The following HIP1 variants were observed in gnomAD, a reference collection of about 807,000 sequenced individuals.
HIP1 encodes the protein huntingtin-interacting protein 1.
Under a neutral mutation model 147.6 loss-of-function variants are expected in HIP1, and 65 were observed. The observed-to-expected ratio is 0.44, with a 90% CI of 0.36 to 0.54. HIP1 has a LOEUF of 0.54. Ranked by LOEUF, HIP1 falls within the 20% of genes least tolerant of loss-of-function variation. HIP1 has a pLI of 0.00. For missense variants in HIP1, 1,061 were observed against 1,299.6 expected, an observed-to-expected ratio of 0.82 and a Z score of 2.82; for synonymous variants, 479 against 504.0, an observed-to-expected ratio of 0.95 and a Z score of 0.67.
chr7:75,540,834 C>G (rs1794278929), intron 29 of HIP1, among the ~76,000 whole-genome samples: 1 of 152,030 alleles, frequency 6.6e-6, no homozygotes, highest in Non-Finnish European at 1.5e-5. Context: ...TCTTTTAAAA[C>G]TAAAAGTCAT....
At chr7:75,667,298 T>C (rs781937668) in intron 1 of HIP1, among the ~76,000 whole-genome samples, 2 of 152,066 alleles carry the variant, frequency 1.3e-5, no homozygotes, top group Non-Finnish European at 2.9e-5. Context: ...GGAAAGAACA[T>C]GAGATTTAGA....
rs1794003475 is a variant in HIP1 at position 75,534,340 on chromosome 7, A to C, written c.*3832T>G. 4.6e-6 allele frequency: 1 copy of C among 218,570 alleles called. No individual in the cohort carries two copies. The highest frequency in any genetic ancestry group is 6.7e-5 in the East Asian group (1 of 14,926). 13.5% of individuals were successfully genotyped at this position (218,570 alleles called of 1,614,324 possible). On this transcript the variant is annotated 3_prime_UTR_variant, in exon 31 of 31. Coordinates refer to ENST00000336926, the MANE Select transcript of HIP1 (RefSeq NM_005338.7). ...GGGTACTGCTATGGACGGCTGCATC[A>C]GCAGACAATCTAAACTAGTCTCATT... is the stretch of plus-strand genomic sequence containing the variant.
intron 1 of HIP1, among the ~76,000 whole-genome samples, chr7:75,706,193 G>C (rs1554519707): frequency 6.6e-6 from 1 of 152,004 alleles, no homozygotes; most frequent in African/African-American, 2.4e-5. Context: ...CCATGCCCGG[G>C]TTACTTTTAA....
At chr7:75,678,993 C>A (rs1400726009) in intron 1 of HIP1, among the ~76,000 whole-genome samples, 1 of 152,156 alleles carries the variant, frequency 6.6e-6, no homozygotes, top group Non-Finnish European at 1.5e-5. Context: ...CTAGGCCAGG[C>A]CTATCAACCT....
intron 7 of HIP1, among the ~76,000 whole-genome samples, chr7:75,580,078 G>A (rs897400775): frequency 2.6e-4 from 40 of 152,336 alleles, no homozygotes; most frequent in African/African-American, 8.9e-4. Flanking sequence ...TGGCAGGCAG[G>A]AGCCTGGAAG....
At chr7:75,566,848 A>T (rs587671378) in intron 9 of HIP1, among the ~76,000 whole-genome samples, 1 of 151,390 alleles carries the variant, frequency 6.6e-6, no homozygotes, top group African/African-American at 2.5e-5. Flanking sequence ...GGGGCTGGGC[A>T]CAGTGACTCG....
intron 1 of HIP1, among the ~76,000 whole-genome samples, chr7:75,675,845 G>A (rs1384348038): frequency 6.6e-6 from 1 of 152,214 alleles, no homozygotes; most frequent in East Asian, 1.9e-4. Context: ...GCCAGGCATG[G>A]TGGTGTGTGC....
chr7:75,734,715 TG>T (rs1801961301), intron 1 of HIP1, among the ~76,000 whole-genome samples: 1 of 152,132 alleles, frequency 6.6e-6, no homozygotes, highest in Admixed American at 6.6e-5. Context: ...TTTGCCTCTC[TG>T]TCTACCCCAG....
chr7:75,674,310 T>C (rs1799818568), intron 1 of HIP1, among the ~76,000 whole-genome samples: 1 of 152,182 alleles, frequency 6.6e-6, no homozygotes, highest in African/African-American at 2.4e-5. Context: ...AGTCATTCAC[T>C]ATTAAGTATG....
intron 1 of HIP1, among the ~76,000 whole-genome samples, chr7:75,710,251 G>C (rs1801131758): frequency 6.6e-6 from 1 of 152,010 alleles, no homozygotes; most frequent in Non-Finnish European, 1.5e-5. Context: ...TGCTTTTTCT[G>C]CATTAATTGA....
rs1554500978 is a variant in HIP1 at position 75,592,384 on chromosome 7, A to T, written c.315T>A (p.Asp105Glu). 1 of 1,606,796 alleles carries T rather than the reference A, an allele frequency of 6.2e-7. No individual in the cohort carries two copies. Residue 105 changes from aspartate to glutamate, a missense_variant, in exon 3 of 31, where the codon GAT becomes GAA. Coordinates refer to ENST00000336926, the MANE Select transcript of HIP1 (RefSeq NM_005338.7). The part of the protein sequence containing the change: ...FCHVFHKLLR[D>E]GHPNVLKDSL... ...CCCAGGAACTCACGTTCGGGTGTCC[A>T]TCTCGGAGGAGTTTGTGGAACACAT...
At chr7:75,611,078 G>A (rs1261002466) in intron 1 of HIP1, among the ~76,000 whole-genome samples, 3 of 93,728 alleles carry the variant, frequency 3.2e-5, no homozygotes, top group African/African-American at 8.8e-5. Flanking sequence ...GCTAATTTTT[G>A]TATTTTGTAT....
In HIP1 at chr7:75,650,453, C is replaced by CTTTTTT. The variant is rs782108312; in HGVS notation, c.121-51212_121-51207dup. Among the ~76,000 whole-genome samples, 71 of 126,522 alleles carry CTTTTTT rather than the reference C, an allele frequency of 5.6e-4. 3 individuals are homozygous for CTTTTTT. Among genetic ancestry groups the CTTTTTT allele is most frequent in the East Asian group, 2.1e-3 (9 of 4,246 alleles). 83.0% of individuals were successfully genotyped at this position (126,522 alleles called of 152,430 possible). A position where few individuals can be genotyped will look rare whatever the true frequency, so the allele number is the denominator to read the frequency against. On this transcript the variant is annotated intron_variant, in intron 1 of 30. Coordinates refer to ENST00000336926, the MANE Select transcript of HIP1 (RefSeq NM_005338.7). Reference sequence around the variant, plus strand: ...CAGGGATGTGTCTCTGCCCAGTTATCTTTTTTTTTTTTTTTTTGAGACAGA... The same window carrying CTTTTTT: ...CAGGGATGTGTCTCTGCCCAGTTATCTTTTTTTTTTTTTTTTTTTTTTTGAGACAGA...
chr7:75,563,336 T>G, intron 9 of HIP1, 73 bp from the exon 10 acceptor site: 1 of 1,383,530 alleles, frequency 7.2e-7, no homozygotes, highest in Non-Finnish European at 1.0e-6. Context: ...AGCAGCCACC[T>G]GGCTTTCCTG....
chr7:75,637,188 C>T (rs1175232045), intron 1 of HIP1, among the ~76,000 whole-genome samples: 2 of 152,130 alleles, frequency 1.3e-5, no homozygotes, highest in African/African-American at 2.4e-5. Context: ...GGGAGGGAGG[C>T]CTTCGATGAT....
At chr7:75,559,634 C>T in intron 14 of HIP1, 98 bp downstream of exon 14, 1 of 968,540 alleles carries the variant, frequency 1.0e-6, no homozygotes. Context: ...CAGTCTGGGT[C>T]TCCCCCACCC....
chr7:75,575,745 C>T (rs1795823675), intron 7 of HIP1, among the ~76,000 whole-genome samples: 1 of 152,098 alleles, frequency 6.6e-6, no homozygotes, highest in South Asian at 2.1e-4. Context: ...GATTTTCTTT[C>T]TTGCACTGGC....
chr7:75,668,418 A>G (rs1480443068), intron 1 of HIP1, among the ~76,000 whole-genome samples: 2 of 152,118 alleles, frequency 1.3e-5, no homozygotes, highest in Non-Finnish European at 2.9e-5. Context: ...TCTGCCTCCC[A>G]GGTTCAAGTG....
chr7:75,556,714 G>A lies in HIP1; in HGVS notation c.1679C>T (p.Ala560Val). ...AAAAAAAAAGGAGGTATTTACCTGG[G>A]CAGAAGTTTCCAGGCTGCCTTGCAG... is the stretch of plus-strand genomic sequence containing the variant. ...QVLQGSLETS[A>V]QSEANWAAEF... is the part of the protein sequence containing the mutation. Residue 560 changes from alanine (A) to valine (V), a missense_variant, in exon 17 of 31, where the codon GCC (alanine) becomes GTC (valine). By Grantham distance (64) the Ala-to-Val change is moderately conservative (BLOSUM62 0). Coordinates refer to ENST00000336926, the MANE Select transcript of HIP1 (RefSeq NM_005338.7). The A allele has an allele frequency of 6.2e-7, 1 of 1,603,562 alleles. No homozygotes were observed. Among genetic ancestry groups the A allele is most frequent in the Non-Finnish European group, 8.5e-7 (1 of 1,170,944 alleles).
Sources: gnomAD v4.1 joint callset for allele counts (sites outside exome capture counted in the v4.1 genomes callset) on GRCh38, gnomAD v4.1.1 for gene constraint, MANE v1.5 for transcripts, NCBI Gene and HGNC (gene_info 2026-07-23, HGNC 2026-07-21) for gene names.